MFAP1: variants seen among roughly 807,000 people sequenced by gnomAD.
MFAP1 encodes microfibril associated protein 1.
A neutral mutation model predicts 62.2 loss-of-function variants in MFAP1; 18 were observed. The observed-to-expected ratio is 0.29, with a 90% CI of 0.20 to 0.43. The LOEUF (loss-of-function observed/expected upper bound fraction) is 0.43, where lower values mean the gene tolerates loss of function less well. MFAP1 is among the 20% of genes least tolerant of loss of function. MFAP1 has a pLI of 1.00. For missense variants in MFAP1, 355 were observed against 559.7 expected (o/e 0.63, Z 3.69); for synonymous variants, 175 against 180.4 (o/e 0.97, Z 0.24).
At chr15:43,805,327 G>C in intron 8 of MFAP1, 49 bp downstream of exon 8, 1 of 1,603,034 alleles carries the variant, frequency 6.2e-7, no homozygotes, top group Non-Finnish European at 8.5e-7. Flanking sequence ...CCATGCCTCA[G>C]CTATCAATAC....
At chr15:43,808,900 T>C (rs1229874427) in intron 7 of MFAP1, among the ~76,000 whole-genome samples, 4 of 152,254 alleles carry the variant, frequency 2.6e-5, no homozygotes, top group African/African-American at 9.6e-5. Context: ...CAGATTGCTA[T>C]TTTGATCTTA....
chr15:43,817,836 T>G (rs910347853), intron 1 of MFAP1, among the ~76,000 whole-genome samples: 2 of 152,152 alleles, frequency 1.3e-5, no homozygotes, highest in Non-Finnish European at 2.9e-5. Flanking sequence ...GTAAGGGTAA[T>G]TTCTGCAGGA....
At chr15:43,810,790 T>G (rs2087395815) in intron 6 of MFAP1, among the ~76,000 whole-genome samples, 1 of 151,916 alleles carries the variant, frequency 6.6e-6, no homozygotes, top group African/African-American at 2.4e-5. Flanking sequence ...GGAATCTTGC[T>G]CTGTTGCCCA....
chr15:43,818,018 CTTTTT>C (rs780258021), intron 1 of MFAP1, among the ~76,000 whole-genome samples: 1 of 131,746 alleles, frequency 7.6e-6, no homozygotes. Context: ...AAATACAATT[CTTTTT>C]TTTTTTTTTT....
At chr15:43,808,510 C>T (rs989990908) in intron 7 of MFAP1, among the ~76,000 whole-genome samples, 3 of 152,220 alleles carry the variant, frequency 2.0e-5, no homozygotes, top group Non-Finnish European at 4.4e-5. Flanking sequence ...AGGACTTTCA[C>T]ATACACTTTT....
In MFAP1 at chr15:43,809,883, T is replaced by G; in HGVS notation, c.919A>C (p.Met307Leu). ...CTCTCTTCCTCAGTCAGGTTTCGCA[T>G]GCGTTCAATTTCTGCTTTCTCCTTC... Reference protein sequence around the residue: ...LEKEKAEIERMRNLTEEERRA... With the variant: ...LEKEKAEIERLRNLTEEERRA... The change falls in exon 7 of 9, where the codon ATG becomes CTG. Residue 307 changes from methionine to leucine, a missense_variant. Physicochemically the swap from Met to Leu is conservative, Grantham distance 15. Around this residue, in one of 6 missense-constraint regions of MFAP1, gnomAD observed 257 missense variants for 341.3 expected, o/e 0.75. Transcript: ENST00000267812. The G allele has an allele frequency of 1.2e-6, 2 of 1,614,178 alleles. No homozygotes were observed. Among genetic ancestry groups the G allele is most frequent in the Non-Finnish European group, 1.7e-6 (2 of 1,180,024 alleles).
rs2087424350 is a variant in MFAP1 at position 43,814,877 on chromosome 15, A to G, written c.429+68T>C. 5.0e-6 allele frequency: 8 copies of G among 1,589,800 alleles called. No homozygotes were observed. The African/African-American group carries it at 1.1e-4, about 21-fold the overall frequency. ...GTGATCTCATGTTTTTAAGGCTTCA[A>G]CAAATGAGCACTGGCATGAACTTTT... On this transcript the variant is annotated intron_variant, in intron 3 of 8. Transcript: ENST00000267812.
chr15:43,820,836 G>A (rs1048880031), intron 1 of MFAP1, among the ~76,000 whole-genome samples: 1 of 152,040 alleles, frequency 6.6e-6, no homozygotes, highest in African/African-American at 2.4e-5. Context: ...TTGAACTCCT[G>A]GACTCAAGTG....
At chr15:43,814,883 G>A (rs2141709144) in intron 3 of MFAP1, 62 bp downstream of exon 3, 6 of 1,594,196 alleles carry the variant, frequency 3.8e-6, no homozygotes, top group Non-Finnish European at 5.1e-6. Flanking sequence ...TTCAACAAAT[G>A]AGCACTGGCA....
At chr15:43,818,990 G>A (rs1399668579) in intron 1 of MFAP1, among the ~76,000 whole-genome samples, 1 of 152,136 alleles carries the variant, frequency 6.6e-6, no homozygotes, top group Non-Finnish European at 1.5e-5. Context: ...CTAGGAGTTC[G>A]AGACCAGCCT....
In MFAP1 at chr15:43,814,496, C is replaced by T; in HGVS notation, c.617+5G>A. ...GGATTCAGATCTGGCTTGTGAGATA[C>T]TTACTTTCGAATGAAGACTGGCTTA... On this transcript the variant is annotated splice_donor_5th_base_variant and intron_variant, in intron 4 of 8. Coordinates refer to ENST00000267812, the MANE Select transcript of MFAP1 (RefSeq NM_005926.3). The T allele has an allele frequency of 6.2e-7, 1 of 1,603,024 alleles. No homozygotes were observed. The highest frequency in any genetic ancestry group is 8.5e-7 in the Non-Finnish European group (1 of 1,173,478).
intron 7 of MFAP1, among the ~76,000 whole-genome samples, chr15:43,805,758 G>C (rs969631368): frequency 6.6e-6 from 1 of 151,880 alleles, no homozygotes; most frequent in African/African-American, 2.4e-5. Context: ...GGCTACAGGT[G>C]CATGCCACCA....
intron 2 of MFAP1, among the ~76,000 whole-genome samples, chr15:43,816,693 T>C (rs1361560834): frequency 6.6e-6 from 1 of 152,180 alleles, no homozygotes; most frequent in Non-Finnish European, 1.5e-5. Flanking sequence ...TTATGAACGG[T>C]GAAAGTTCAG....
rs750394116 is a variant in MFAP1, at chr15:43,824,089, AATAC to A, written c.79+398_79+401del. 3.8e-3 allele frequency among the ~76,000 whole-genome samples: 571 copies of A among 151,740 alleles called. 2 individuals are homozygous for A. The highest frequency in any genetic ancestry group is 6.5e-3 in the Non-Finnish European group (441 of 67,932). ...TAAGTTCCTAAGTAATTACACTAAT[AATAC>A]ATAAATTCTTGTAATTATATGTAAT... is the stretch of plus-strand genomic sequence containing the variant. On this transcript the variant is annotated intron_variant, in intron 1 of 8. Transcript: ENST00000267812.
intron 7 of MFAP1, among the ~76,000 whole-genome samples, chr15:43,806,096 T>C (rs534292728): frequency 4.6e-5 from 7 of 152,206 alleles, no homozygotes; most frequent in African/African-American, 1.7e-4. Context: ...TGGCTGGGAC[T>C]ACAGGTGCAT....
chr15:43,806,938 T>A (rs992821007), intron 7 of MFAP1, among the ~76,000 whole-genome samples: 2 of 152,190 alleles, frequency 1.3e-5, no homozygotes, highest in Admixed American at 1.3e-4. Flanking sequence ...CCAAATATTA[T>A]ACAGCCTTAA....
chr15:43,809,636 G>A (rs997329788), intron 7 of MFAP1, 119 bp downstream of exon 7: 4 of 1,249,844 alleles, frequency 3.2e-6, no homozygotes, highest in Admixed American at 2.2e-5. Context: ...AAGCAAATGA[G>A]AAAGCTGACC....
chr15:43,822,478 A>C (rs976216953), intron 1 of MFAP1, among the ~76,000 whole-genome samples: 55 of 152,022 alleles, frequency 3.6e-4, no homozygotes, highest in Non-Finnish European at 3.1e-4. Context: ...GGTTCAAGTG[A>C]TTCTCCTGCC....
intron 6 of MFAP1, among the ~76,000 whole-genome samples, chr15:43,811,667 C>G (rs1418505071): frequency 6.6e-6 from 1 of 151,744 alleles, no homozygotes; most frequent in African/African-American, 2.4e-5. Flanking sequence ...CACCACCACA[C>G]CCAGCTAATT....
Sources: gnomAD v4.1 joint callset for allele counts (sites outside exome capture counted in the v4.1 genomes callset) on GRCh38, gnomAD v4.1.1 for gene constraint, gnomAD v4.1.1 regional missense constraint, MANE v1.5 for transcripts, NCBI Gene and HGNC (gene_info 2026-07-23, HGNC 2026-07-21) for gene names.